HDAC9: variants seen among roughly 807,000 people sequenced by gnomAD.
HDAC9 encodes the protein histone deacetylase 9.
A neutral mutation model predicts 139.4 loss-of-function variants in HDAC9; 41 were observed. The ratio of observed to expected loss-of-function variants is 0.29; its 90% CI spans 0.23 to 0.38. HDAC9 has a LOEUF of 0.38. Ranked by LOEUF, HDAC9 falls within the 10% of genes least tolerant of loss-of-function variation. The probability of loss-of-function intolerance (pLI) is 1.00; values close to 1 mark genes in which losing one functional copy is unlikely to be tolerated. For synonymous variants in HDAC9, 517 were observed against 476.2 expected, an observed-to-expected ratio of 1.09 and a Z score of -1.12; for missense variants, 1,147 against 1,297.0, an observed-to-expected ratio of 0.88 and a Z score of 1.78.
chr7:18,245,047 G>T (rs1423511558), intron 2 of HDAC9, among the ~76,000 whole-genome samples: 2 of 72,404 alleles, frequency 2.8e-5, no homozygotes, highest in East Asian at 7.9e-4. Context: ...AGCTTATTCA[G>T]TTCTAGAAAA....
chr7:18,112,386 A>G (rs1412318476), intron 1 of HDAC9, among the ~76,000 whole-genome samples: 1 of 151,668 alleles, frequency 6.6e-6, no homozygotes, highest in Non-Finnish European at 1.5e-5. Flanking sequence ...GTGTTGGTAT[A>G]CAACAATTAC....
At chr7:18,669,072 G>T (rs929913086) in intron 12 of HDAC9, among the ~76,000 whole-genome samples, 5 of 151,374 alleles carry the variant, frequency 3.3e-5, no homozygotes, top group African/African-American at 1.2e-4. Flanking sequence ...TGTAAAATTT[G>T]TTTCATTTTC....
At chr7:18,889,550 G>A (rs1800489273) in intron 22 of HDAC9, among the ~76,000 whole-genome samples, 1 of 151,976 alleles carries the variant, frequency 6.6e-6, no homozygotes, top group African/African-American at 2.4e-5. Flanking sequence ...TTCATAATAA[G>A]CATCCATGTT....
chr7:18,658,005 A>G (rs1791808642), intron 11 of HDAC9, among the ~76,000 whole-genome samples: 1 of 151,814 alleles, frequency 6.6e-6, no homozygotes, highest in African/African-American at 2.4e-5. Flanking sequence ...GCCAGCCACT[A>G]TTTTGTGTGG....
At chr7:18,138,588 GT>G (rs563174004) in intron 1 of HDAC9, among the ~76,000 whole-genome samples, 86 of 146,410 alleles carry the variant, frequency 5.9e-4, no homozygotes, top group African/African-American at 2.1e-3. Flanking sequence ...AGTTATTTGG[GT>G]TTTGGCTCAA....
At chr7:18,165,348 T>C (rs748063471) in intron 2 of HDAC9, among the ~76,000 whole-genome samples, 20 of 152,226 alleles carry the variant, frequency 1.3e-4, no homozygotes, top group Non-Finnish European at 2.8e-4. Context: ...GAAATGCTCT[T>C]AGTCCATTCA....
intron 9 of HDAC9, among the ~76,000 whole-genome samples, chr7:18,645,427 A>G (rs887545660): frequency 6.6e-6 from 1 of 152,168 alleles, no homozygotes; most frequent in African/African-American, 2.4e-5. Flanking sequence ...TTTCGGGAAG[A>G]AAGCAGTCAC....
Position 18,204,615 on chromosome 7 carries a change from T to A in HDAC9, c.25+42266T>A, listed in dbSNP as rs189189485. ...CAATAAATATAAAGTGGAACTTCAG[T>A]GTTGTTTCAGTTTGCATTGCTTTGG... On this transcript the variant is annotated intron_variant, in intron 2 of 12. Coordinates refer to the HDAC9 transcript ENST00000417496. Among the ~76,000 whole-genome samples the A allele has an allele frequency of 3.7e-3, 559 of 152,092 alleles. 2 individuals carry two copies. Among genetic ancestry groups the A allele is most frequent in the Non-Finnish European group, 5.3e-3 (358 of 67,932 alleles).
chr7:18,372,407 T>C (rs909747071), intron 1 of HDAC9, among the ~76,000 whole-genome samples: 5 of 152,274 alleles, frequency 3.3e-5, no homozygotes, highest in Middle Eastern at 3.4e-3. Context: ...AGGAAGAGGG[T>C]TGAACCACAG....
At chr7:18,817,851 A>T (rs988997562) in intron 17 of HDAC9, among the ~76,000 whole-genome samples, 21 of 152,208 alleles carry the variant, frequency 1.4e-4, no homozygotes, top group African/African-American at 5.1e-4. Context: ...GCACAAATAT[A>T]TTTAATAATT....
intron 17 of HDAC9, among the ~76,000 whole-genome samples, chr7:18,822,916 T>G (rs1248727582): frequency 2.0e-5 from 3 of 152,256 alleles, no homozygotes; most frequent in African/African-American, 7.2e-5. Flanking sequence ...TGTATCATAG[T>G]ATTTGTATTT....
intron 22 of HDAC9, among the ~76,000 whole-genome samples, chr7:18,916,918 G>A (rs1803260486): frequency 6.6e-6 from 1 of 151,936 alleles, no homozygotes; most frequent in African/African-American, 2.4e-5. Context: ...CTGCACATCT[G>A]GCCTGCAGAG....
chr7:18,653,521 ATATCT>A lies in HDAC9; in HGVS notation c.1467+4842_1467+4846del, dbSNP rs912183204. ...AAAAACTTACATAAATCATGAGATG[ATATCT>A]TATATATGCCAAGGTTCGGTCTAGA... On this transcript the variant is annotated intron_variant, in intron 11 of 25. Transcript: ENST00000686413. Among the ~76,000 whole-genome samples the A allele has an allele frequency of 5.6e-4, 85 of 152,236 alleles. 2 individuals carry two copies. The Middle Eastern group carries it at 0.01, about 18-fold the overall frequency.
intron 2 of HDAC9, among the ~76,000 whole-genome samples, chr7:18,514,524 G>C (rs1349854118): frequency 6.6e-6 from 1 of 152,170 alleles, no homozygotes; most frequent in African/African-American, 2.4e-5. Flanking sequence ...AGAGATGATT[G>C]TAAAAATGCA....
chr7:18,494,228 A>G (rs1002572222), upstream of HDAC9, among the ~76,000 whole-genome samples: 13 of 152,120 alleles, frequency 8.5e-5, no homozygotes, highest in African/African-American at 2.7e-4. Context: ...TTCAAGAAGT[A>G]GAGTATTCAG....
At chr7:18,144,701 T>G (rs566399229) in intron 1 of HDAC9, among the ~76,000 whole-genome samples, 1 of 152,282 alleles carries the variant, frequency 6.6e-6, no homozygotes, top group South Asian at 2.1e-4. Flanking sequence ...CTGATAAGTT[T>G]CTTCTTTCCA....
chr7:18,559,074 T>C (rs1219900250), intron 2 of HDAC9, among the ~76,000 whole-genome samples: 4 of 152,162 alleles, frequency 2.6e-5, no homozygotes, highest in Non-Finnish European at 4.4e-5. Flanking sequence ...TACCCAGGGT[T>C]CACTCATCTA....
At chr7:18,413,292 A>G (rs1178861814) in intron 1 of HDAC9, among the ~76,000 whole-genome samples, 1 of 152,202 alleles carries the variant, frequency 6.6e-6, no homozygotes, top group Non-Finnish European at 1.5e-5. Context: ...TGTGATAAGT[A>G]TAATATACCA....
intron 25 of HDAC9, among the ~76,000 whole-genome samples, chr7:18,992,706 CTT>C (rs879269640): frequency 3.6e-4 from 53 of 148,176 alleles, no homozygotes; most frequent in South Asian, 2.1e-3. Flanking sequence ...AAATTACTTC[CTT>C]TTTTTTTTAC....
Sources: allele counts gnomAD v4.1 joint callset (sites outside exome capture counted in the v4.1 genomes callset), GRCh38; gene constraint gnomAD v4.1.1; transcripts MANE v1.5; gene names NCBI Gene and HGNC (gene_info 2026-07-23, HGNC 2026-07-21).